GFPT1: variants seen among roughly 807,000 people sequenced by gnomAD.
GFPT1 encodes glutamine--fructose-6-phosphate transaminase 1.
In GFPT1, 40 loss-of-function variants were observed where a neutral mutation model predicts 92.0. That is an observed-to-expected ratio of 0.43 (90% CI 0.34 to 0.57). The LOEUF is 0.57. Ranked by LOEUF, GFPT1 falls within the 20% of genes least tolerant of loss-of-function variation. The probability of loss-of-function intolerance (pLI) is 0.02; values close to 1 mark genes in which losing one functional copy is unlikely to be tolerated. For synonymous variants in GFPT1, 269 were observed against 280.6 expected (o/e 0.96, Z 0.41); for missense variants, 448 against 869.1 (o/e 0.52, Z 6.09).
chr2:69,343,802 G>A (rs1020757016), intron 12 of GFPT1, among the ~76,000 whole-genome samples: 6 of 152,040 alleles, frequency 3.9e-5, no homozygotes, highest in East Asian at 3.8e-4. Flanking sequence ...TATGTTCTCC[G>A]TTTTGAATTT....
chr2:69,350,037 G>A lies in GFPT1; in HGVS notation c.845+41C>T, dbSNP rs770158359. The A allele has an allele frequency of 3.7e-5, 50 of 1,333,986 alleles. No homozygotes were observed. In the Admixed American group the frequency reaches 8.2e-4, roughly 22 times the overall value. The allele number at this position is 1,333,986 out of a possible 1,614,324, so 82.6% of individuals were successfully genotyped here. ...TCTTGGGTTTCCTGCAGAATGAGAAGTTTTACTAAAAATCTCTTTGAATCA... is the reference window on the plus strand; with the variant it reads ...TCTTGGGTTTCCTGCAGAATGAGAAATTTTACTAAAAATCTCTTTGAATCA... On this transcript the variant is annotated intron_variant, in intron 10 of 19. Transcript: ENST00000357308.
chr2:69,345,903 C>G lies in GFPT1; in HGVS notation c.1105+1G>C. Reference sequence around the variant, plus strand: ...TAATAAAATAATTCATATGTAATTACCAGTATAGTCATCAAAGTTGACTCT... The same window carrying G: ...TAATAAAATAATTCATATGTAATTAGCAGTATAGTCATCAAAGTTGACTCT... On this transcript the variant is annotated splice_donor_variant, in intron 12 of 19. Coordinates refer to ENST00000357308, the MANE Select transcript of GFPT1 (RefSeq NM_001244710.2). LOFTEE classifies it high-confidence loss of function. 7.0e-7 allele frequency: 1 copy of G among 1,431,068 alleles called. No homozygotes were observed. The allele number at this position is 1,431,068 out of a possible 1,614,324, so 88.6% of individuals were successfully genotyped here.
At chr2:69,363,012 G>A (rs1286206196) in intron 4 of GFPT1, among the ~76,000 whole-genome samples, 2 of 151,966 alleles carry the variant, frequency 1.3e-5, no homozygotes, top group South Asian at 2.1e-4. Flanking sequence ...TTGGGAGGCC[G>A]AGACGGGAGG....
At chr2:69,374,554 C>A (rs1281631112) in intron 1 of GFPT1, among the ~76,000 whole-genome samples, 1 of 152,162 alleles carries the variant, frequency 6.6e-6, no homozygotes, top group Non-Finnish European at 1.5e-5. Context: ...ACCTCGTGAT[C>A]TGCCCGCCTC....
At chr2:69,363,745 C>G in intron 3 of GFPT1, 75 bp from the exon 4 acceptor site, 2 of 960,150 alleles carry the variant, frequency 2.1e-6, no homozygotes, top group Non-Finnish European at 3.3e-6. Flanking sequence ...TATTTAAATA[C>G]AATTATTACA....
Position 69,328,433 on chromosome 2 carries a change from G to C in GFPT1, c.1731C>G (p.Ile577Met). The change falls in exon 18 of 20, where the codon ATC becomes ATG. Residue 577 changes from isoleucine to methionine, a missense_variant. Physicochemically the swap from Ile to Met is conservative, Grantham distance 10 (BLOSUM62 1). Around this residue, in one of 7 missense-constraint regions of GFPT1, gnomAD observed 73 missense variants for 103.5 expected, o/e 0.71. Transcript: ENST00000357308. ...YATCLEGALK[I>M]KEITYMHSEG... ...CAGAGTGCATATAAGTAATTTCTTTGATTTTCTAATAGGAAAGAACCAGAT... is the reference window on the plus strand; with the variant it reads ...CAGAGTGCATATAAGTAATTTCTTTCATTTTCTAATAGGAAAGAACCAGAT... The C allele has an allele frequency of 6.2e-7, 1 of 1,609,506 alleles. No homozygotes were observed. Among genetic ancestry groups the C allele is most frequent in the Non-Finnish European group, 8.5e-7 (1 of 1,175,910 alleles).
At chr2:69,366,142 A>G (rs371660416) in intron 3 of GFPT1, among the ~76,000 whole-genome samples, 12 of 152,148 alleles carry the variant, frequency 7.9e-5, no homozygotes, top group African/African-American at 2.9e-4. Context: ...AGCTAACTAT[A>G]ATTAAAGCAG....
At chr2:69,366,503 T>C (rs1229767727) in intron 3 of GFPT1, among the ~76,000 whole-genome samples, 1 of 152,186 alleles carries the variant, frequency 6.6e-6, no homozygotes, top group Non-Finnish European at 1.5e-5. Flanking sequence ...GAAAATTCTG[T>C]AAATTAAGAC....
At chr2:69,326,282 T>C (rs774097581) in intron 19 of GFPT1, 49 bp from the exon 20 acceptor site, 1 of 1,209,952 alleles carries the variant, frequency 8.3e-7, no homozygotes, top group Non-Finnish European at 1.2e-6. Flanking sequence ...TTATATAGAC[T>C]GGGGAAGGGG....
rs555854564 is a variant in GFPT1 at position 69,354,282 on chromosome 2, C to T, written c.716G>A (p.Arg239Gln). The T allele has an allele frequency of 2.1e-4, 327 of 1,591,868 alleles. No homozygotes were observed. Among genetic ancestry groups the T allele is most frequent in the Non-Finnish European group, 2.7e-4 (313 of 1,175,938 alleles). ...ARTQIGSKFT[R>Q]WGSQGERGKD... is the part of the protein sequence containing the mutation. The stretch of plus-strand genomic sequence containing the variant: ...ACCTCTTTCTCCCTGTGATCCCCAC[C>T]GTGTGAATTTTGATCCAATCTGAGT... Residue 239 changes from arginine to glutamine, a missense_variant, in exon 9 of 20, where the codon CGG becomes CAG. Coordinates refer to ENST00000357308, the MANE Select transcript of GFPT1 (RefSeq NM_001244710.2).
At chr2:69,334,752 T>G (rs544371956) in intron 15 of GFPT1, 1 of 152,294 alleles carries the variant, frequency 6.6e-6, no homozygotes, top group African/African-American at 2.4e-5. Context: ...TGTTATACAA[T>G]TCCATTTACA....
Position 69,358,359 on chromosome 2 carries a change from A to T in GFPT1, c.513T>A (p.Thr171=). 6.2e-7 allele frequency: 1 copy of T among 1,612,304 alleles called. No individual in the cohort carries two copies. Among genetic ancestry groups the T allele is most frequent in the Non-Finnish European group, 8.5e-7 (1 of 1,178,434 alleles). ...DNRESQDTSF[T]TLVERVIQQL... is the part of the protein sequence containing the mutation. ...GTTGGATAACTCTCTCCACCAAGGT[A>T]GTAAAGCTGGTATCTTGACTTTCCC... The change falls in exon 6 of 20, where the codon ACT becomes ACA. Residue 171 remains threonine (T), a synonymous_variant. Coordinates refer to ENST00000357308, the MANE Select transcript of GFPT1 (RefSeq NM_001244710.2).
chr2:69,360,419 A>AT (rs1421385446), intron 4 of GFPT1, among the ~76,000 whole-genome samples: 1 of 149,490 alleles, frequency 6.7e-6, no homozygotes, highest in African/African-American at 2.5e-5. Context: ...GCTAAATTAA[A>AT]TTTTATATGA....
At position 69,366,794 on chromosome 2, in the gene GFPT1, T is replaced by G. The variant is rs150000064; in HGVS notation, c.224-3124A>C. 3.0e-4 allele frequency among the ~76,000 whole-genome samples: 45 copies of G among 152,326 alleles called. No individual in the cohort carries two copies. The East Asian group carries it at 7.9e-3, about 27-fold the overall frequency. The stretch of plus-strand genomic sequence containing the variant: ...TAACTCCTTGCCTGTGCCTTGATCT[T>G]CTTGGGCCGTAGTGCTTCAATAATT... On this transcript the variant is annotated intron_variant, in intron 3 of 19. Transcript: ENST00000357308.
At chr2:69,382,059 T>C (rs1001651400) in intron 1 of GFPT1, among the ~76,000 whole-genome samples, 2 of 151,980 alleles carry the variant, frequency 1.3e-5, no homozygotes, top group African/African-American at 4.8e-5. Context: ...AGATGGGGCT[T>C]CGCTATGTTG....
intron 1 of GFPT1, among the ~76,000 whole-genome samples, chr2:69,384,333 T>A (rs1431955234): frequency 2.0e-5 from 3 of 152,224 alleles, no homozygotes; most frequent in Non-Finnish European, 4.4e-5. Context: ...TTTATCAGTA[T>A]ATCTGATTGA....
intron 9 of GFPT1, among the ~76,000 whole-genome samples, chr2:69,353,936 AACC>A (rs1361373357): frequency 3.3e-5 from 5 of 152,228 alleles, no homozygotes; most frequent in African/African-American, 1.2e-4. Flanking sequence ...AATCTATAAT[AACC>A]TAGCACACAA....
intron 11 of GFPT1, among the ~76,000 whole-genome samples, chr2:69,346,459 C>T (rs1671084950): frequency 1.3e-5 from 2 of 152,146 alleles, no homozygotes; most frequent in South Asian, 4.1e-4. Context: ...AGGCTGGTCT[C>T]GAACTCCTGA....
At chr2:69,377,488 AAAATAAAAAT>A (rs1671903670) in intron 1 of GFPT1, among the ~76,000 whole-genome samples, 1 of 90,648 alleles carries the variant, frequency 1.1e-5, no homozygotes, top group Non-Finnish European at 2.1e-5. Flanking sequence ...GTCTCTACTA[AAAATAAAAAT>A]AAAAAAAAAA....
Sources: allele counts gnomAD v4.1 joint callset (sites outside exome capture counted in the v4.1 genomes callset), GRCh38; gene constraint gnomAD v4.1.1; regional missense constraint gnomAD v4.1.1; transcripts MANE v1.5; gene names NCBI Gene and HGNC (gene_info 2026-07-23, HGNC 2026-07-21).